The following TTC17 variants were observed in gnomAD, a reference collection of about 807,000 sequenced individuals.
TTC17 encodes the protein tetratricopeptide repeat domain 17, also known as tetratricopeptide repeat protein 17.
TTC17 carries 58 observed loss-of-function variants against 143.8 expected under a neutral mutation model. That is an observed-to-expected ratio of 0.40 (90% confidence interval 0.33 to 0.50). The LOEUF (loss-of-function observed/expected upper bound fraction) is 0.50, where lower values mean the gene tolerates loss of function less well. Ranked by LOEUF, TTC17 falls within the 20% of genes least tolerant of loss-of-function variation. TTC17 has a pLI of 0.49. For missense variants in TTC17, 1,273 were observed against 1,392.5 expected (o/e 0.91, Z 1.37); for synonymous variants, 501 against 497.8 (o/e 1.01, Z -0.09).
chr11:43,384,561 G>A (rs1857102599), intron 2 of TTC17, among the ~76,000 whole-genome samples: 1 of 151,916 alleles, frequency 6.6e-6, no homozygotes, highest in African/African-American at 2.4e-5. Context: ...AGGCTGAGGT[G>A]GCAGGATCAC....
chr11:43,392,023 A>G, intron 5 of TTC17, 71 bp downstream of exon 5: 1 of 1,494,376 alleles, frequency 6.7e-7, no homozygotes, highest in Non-Finnish European at 8.9e-7. Context: ...AGATATTTTT[A>G]TCTTGGAAAA....
intron 1 of TTC17, among the ~76,000 whole-genome samples, chr11:43,363,093 T>G (rs529288284): frequency 6.6e-6 from 1 of 152,338 alleles, no homozygotes; most frequent in South Asian, 2.1e-4. Context: ...TTCGACCCCA[T>G]GGACTTAAGA....
intron 7 of TTC17, 150 bp downstream of exon 7, chr11:43,397,641 C>T (rs1214085778): frequency 1.7e-5 from 16 of 942,868 alleles, no homozygotes; most frequent in African/African-American, 1.7e-4. Context: ...AAATCCTCAA[C>T]ACAGTAATGT....
intron 12 of TTC17, 37 bp downstream of exon 12, chr11:43,405,666 G>A: frequency 6.2e-7 from 1 of 1,611,944 alleles, no homozygotes; most frequent in Non-Finnish European, 8.5e-7. Flanking sequence ...ACCTGATTCT[G>A]CATGATTGTC....
intron 16 of TTC17, among the ~76,000 whole-genome samples, chr11:43,423,324 C>T (rs544294776): frequency 1.3e-5 from 2 of 152,266 alleles, no homozygotes; most frequent in African/African-American, 4.8e-5. Flanking sequence ...ATCATCTATG[C>T]ATTGATGTGC....
chr11:43,414,876 A>T (rs1026931827), intron 16 of TTC17, 100 bp downstream of exon 16: 1 of 1,290,112 alleles, frequency 7.8e-7, no homozygotes, highest in Non-Finnish European at 1.1e-6. Flanking sequence ...TTACCCAAGG[A>T]TTTTAGATAA....
chr11:43,447,962 C>T, intron 18 of TTC17, 40 bp from the exon 19 acceptor site: 1 of 1,606,596 alleles, frequency 6.2e-7, no homozygotes, highest in Non-Finnish European at 8.5e-7. Context: ...GGTTCTCTTC[C>T]TTTGCAATTG....
At chr11:43,454,452 A>C (rs2134766545) in intron 21 of TTC17, among the ~76,000 whole-genome samples, 1 of 152,296 alleles carries the variant, frequency 6.6e-6, no homozygotes, top group South Asian at 2.1e-4. Flanking sequence ...CACATATTAA[A>C]CAGATGGATT....
intron 21 of TTC17, among the ~76,000 whole-genome samples, chr11:43,459,294 GT>G (rs1232459563): frequency 1.1e-4 from 17 of 152,212 alleles, no homozygotes; most frequent in African/African-American, 4.1e-4. Context: ...AATTCCAGGG[GT>G]AGGGAACATT....
chr11:43,486,675 T>G (rs1393839082), intron 21 of TTC17, among the ~76,000 whole-genome samples: 1 of 152,170 alleles, frequency 6.6e-6, no homozygotes, highest in African/African-American at 2.4e-5. Flanking sequence ...TCTGGAATAT[T>G]CATTGTATGT....
rs745433168 is a variant in TTC17 at position 43,405,615 on chromosome 11, A to T, written c.1581A>T (p.Glu527Asp). ...GELPTYFLPP[E>D]NKGLRIHELS... is the part of the protein sequence containing the mutation. ...TGCCAACGTATTTTCTGCCTCCGGA[A>T]AACAAAGGACTCAGGCAAGTGGTGA... The change falls in exon 12 of 24, where the codon GAA (glutamate) becomes GAT (aspartate). Residue 527 changes from glutamate to aspartate, a missense_variant. Physicochemically the swap from Glu to Asp is conservative, Grantham distance 45. Transcript: ENST00000039989. 3.2e-5 allele frequency: 51 copies of T among 1,613,824 alleles called. No individual in the cohort carries two copies. Among genetic ancestry groups the T allele is most frequent in the Admixed American group, 1.3e-4 (8 of 59,974 alleles).
At chr11:43,373,540 G>A (rs1856651593) in intron 1 of TTC17, among the ~76,000 whole-genome samples, 1 of 151,932 alleles carries the variant, frequency 6.6e-6, no homozygotes, top group African/African-American at 2.4e-5. Context: ...AGCCAGGATG[G>A]TCTCGATCTC....
At chr11:43,468,331 A>G (rs1242354584) in intron 21 of TTC17, 1 of 152,248 alleles carries the variant, frequency 6.6e-6, no homozygotes, top group East Asian at 1.9e-4. Flanking sequence ...CAAAAGAGAG[A>G]GGCCAAGAAT....
intron 1 of TTC17, among the ~76,000 whole-genome samples, chr11:43,373,666 C>T (rs1286961922): frequency 6.6e-6 from 1 of 152,046 alleles, no homozygotes; most frequent in African/African-American, 2.4e-5. Flanking sequence ...TATTCCTGCC[C>T]AGAGTGAGTA....
In TTC17 at chr11:43,432,467, A is replaced by C. The variant is rs185354839; in HGVS notation, c.2252-10858A>C. On this transcript the variant is annotated intron_variant, in intron 16 of 23. Coordinates refer to ENST00000039989, the MANE Select transcript of TTC17 (RefSeq NM_018259.6). ...CTGCCAGGATTTGAATTAGATGCTA[A>C]ATGCTTTGCAAGCAAGTAACAGCAT... 3.9e-5 allele frequency among the ~76,000 whole-genome samples: 6 copies of C among 152,348 alleles called. No homozygotes were observed. The East Asian group carries it at 9.6e-4, about 24-fold the overall frequency.
intron 15 of TTC17, among the ~76,000 whole-genome samples, chr11:43,412,981 G>GACAC (rs57982323): frequency 0.035 from 4,973 of 140,386 alleles, 114 homozygotes; most frequent in African/African-American, 0.056. Context: ...ACCTAGAATA[G>GACAC]ACACACACAC....
At chr11:43,442,286 T>C (rs1947441318) in intron 16 of TTC17, among the ~76,000 whole-genome samples, 1 of 152,246 alleles carries the variant, frequency 6.6e-6, no homozygotes, top group Admixed American at 6.5e-5. Flanking sequence ...TATAATACCA[T>C]GTTCTAAATC....
intron 2 of TTC17, among the ~76,000 whole-genome samples, chr11:43,384,205 G>A (rs1218397814): frequency 6.6e-6 from 1 of 152,002 alleles, no homozygotes; most frequent in Non-Finnish European, 1.5e-5. Context: ...GGATGTAGGA[G>A]GAGAGGAGAG....
Position 43,358,950 on chromosome 11 carries a change from G to T in TTC17, c.-5G>T. On this transcript the variant is annotated 5_prime_UTR_variant, in exon 1 of 24. Coordinates refer to ENST00000039989, the MANE Select transcript of TTC17 (RefSeq NM_018259.6). ...CGGTGTGAGCGGCCCGGCCGGGGGG[G>T]CAAGATGGCGGCGGCAGTAGGGGTT... is the stretch of plus-strand genomic sequence containing the variant. 3 of 1,571,404 alleles carry T rather than the reference G, an allele frequency of 1.9e-6. No individual in the cohort carries two copies. Among genetic ancestry groups the T allele is most frequent in the South Asian group, 2.3e-5 (2 of 87,070 alleles).
Sources: gnomAD v4.1 joint callset for allele counts (sites outside exome capture counted in the v4.1 genomes callset) on GRCh38, gnomAD v4.1.1 for gene constraint, MANE v1.5 for transcripts, NCBI Gene and HGNC (gene_info 2026-07-23, HGNC 2026-07-21) for gene names.